PAK5: variants seen among roughly 807,000 people sequenced by gnomAD.
PAK5 encodes p21 (RAC1) activated kinase 5, also known as serine/threonine-protein kinase PAK 5.
Under a neutral mutation model 65.9 loss-of-function variants are expected in PAK5, and 16 were observed. The ratio of observed to expected loss-of-function variants is 0.24; its 90% CI spans 0.16 to 0.37. The LOEUF is 0.37. Ranked by LOEUF, PAK5 falls within the 10% of genes least tolerant of loss-of-function variation. The pLI, the probability that PAK5 is intolerant of heterozygous loss-of-function variation, is 1.00. For synonymous variants in PAK5, 371 were observed against 354.9 expected, an observed-to-expected ratio of 1.05 and a Z score of -0.51; for missense variants, 785 against 903.9, an observed-to-expected ratio of 0.87 and a Z score of 1.69.
intron 2 of PAK5, among the ~76,000 whole-genome samples, chr20:9,652,444 A>G (rs1454583280): frequency 6.6e-6 from 1 of 152,208 alleles, no homozygotes; most frequent in Non-Finnish European, 1.5e-5. Flanking sequence ...CTAAAAAAAA[A>G]TCATTATGTG....
At position 9,672,078 on chromosome 20, in the gene PAK5, C is replaced by CA. The variant is rs912242557; in HGVS notation, c.-11-27740dup. ...AAGAGAGATAATCAGCGAGGAAGGA[C>CA]AAAAAAAACTAGATTTTCCTACAGA... On this transcript the variant is annotated intron_variant, in intron 2 of 9. Coordinates refer to ENST00000353224, the MANE Select transcript of PAK5 (RefSeq NM_177990.4). Among the ~76,000 whole-genome samples, 22 of 150,976 alleles carry CA rather than the reference C, an allele frequency of 1.5e-4. No homozygotes were observed. In the East Asian group the frequency reaches 3.5e-3, roughly 24 times the overall value.
At chr20:9,800,535 A>C (rs191352333) in intron 1 of PAK5, among the ~76,000 whole-genome samples, 5 of 152,282 alleles carry the variant, frequency 3.3e-5, no homozygotes, top group Non-Finnish European at 7.4e-5. Context: ...GTTTTGACAG[A>C]ATGATAAATA....
At chr20:9,659,896 T>C (rs2047321130) in intron 2 of PAK5, among the ~76,000 whole-genome samples, 1 of 152,180 alleles carries the variant, frequency 6.6e-6, no homozygotes, top group African/African-American at 2.4e-5. Flanking sequence ...TGCTATGGTG[T>C]ATAAGTCTCA....
intron 1 of PAK5, among the ~76,000 whole-genome samples, chr20:9,776,875 G>A (rs1048470002): frequency 1.3e-5 from 2 of 152,076 alleles, no homozygotes; most frequent in African/African-American, 2.4e-5. Context: ...AGAAACTATG[G>A]GATAAGAAAT....
rs1176133163 is a variant in PAK5 at position 9,580,815 on chromosome 20, G to A, written c.320C>T (p.Thr107Ile). ...SNSLRKESPPTPDQGASSHGP... is the reference protein window; with the variant it reads ...SNSLRKESPPIPDQGASSHGP... ...GTGGCTGGAGGCTCCCTGATCTGGG[G>A]TGGGTGGGCTTTCTTTCCTTAGGGA... is the stretch of plus-strand genomic sequence containing the variant. Residue 107 changes from threonine to isoleucine, a missense_variant, in exon 4 of 10, where the codon ACC (threonine) becomes ATC (isoleucine). By Grantham distance (89) the Thr-to-Ile change is moderately conservative (BLOSUM62 -1). Around this residue, in one of 4 missense-constraint regions of PAK5, gnomAD observed 422 missense variants for 413.3 expected, o/e 1.02. Coordinates refer to ENST00000353224, the MANE Select transcript of PAK5 (RefSeq NM_177990.4). 6.2e-7 allele frequency: 1 copy of A among 1,614,016 alleles called. No homozygotes were observed. Among genetic ancestry groups the A allele is most frequent in the Non-Finnish European group, 8.5e-7 (1 of 1,179,988 alleles).
At chr20:9,616,473 G>A (rs1439594142) in intron 3 of PAK5, among the ~76,000 whole-genome samples, 1 of 152,154 alleles carries the variant, frequency 6.6e-6, no homozygotes, top group Non-Finnish European at 1.5e-5. Context: ...CGTTCTCTTC[G>A]GCTAAAGCCT....
chr20:9,580,215 T>C lies in PAK5; in HGVS notation c.920A>G (p.His307Arg), dbSNP rs146248904. Residue 307 changes from histidine (H) to arginine (R), a missense_variant, in exon 4 of 10, where the codon CAT (histidine) becomes CGT (arginine). This residue lies in a region of PAK5 where 422 missense variants were observed against 413.3 expected (regional missense o/e 1.02). Transcript: ENST00000353224. ...GGAGTTGTAGGAGTGTCCTTGGGGA[T>C]GGGTTTTAAATGCACTTGCTCCAAA... is the stretch of plus-strand genomic sequence containing the variant. ...MPFGASAFKT[H>R]PQGHSYNSYT... 7 of 1,613,952 alleles carry C rather than the reference T, an allele frequency of 4.3e-6. No individual in the cohort carries two copies. Among genetic ancestry groups the C allele is most frequent in the Non-Finnish European group, 5.9e-6 (7 of 1,179,994 alleles).
At chr20:9,590,382 A>G (rs1196996587) in intron 3 of PAK5, among the ~76,000 whole-genome samples, 1 of 152,216 alleles carries the variant, frequency 6.6e-6, no homozygotes, top group African/African-American at 2.4e-5. Context: ...CATGTGACTC[A>G]TGGGCCAAAT....
At chr20:9,729,018 A>C (rs1452992491) in intron 1 of PAK5, among the ~76,000 whole-genome samples, 3 of 152,114 alleles carry the variant, frequency 2.0e-5, no homozygotes, top group East Asian at 1.9e-4. Context: ...GAACATATGG[A>C]AATATTTATA....
At chr20:9,681,569 C>G (rs150602639) in intron 2 of PAK5, among the ~76,000 whole-genome samples, 9 of 152,114 alleles carry the variant, frequency 5.9e-5, no homozygotes, top group Admixed American at 4.6e-4. Flanking sequence ...AATAATATCC[C>G]TGGAGATGGC....
rs563898791 is a variant in PAK5 at position 9,665,369 on chromosome 20, C to T, written c.-11-21030G>A. ...GGGCCCACAAATCCATTCCTCCTGG[C>T]CACATGAATGCTGGCTGGAGACTTT... is the stretch of plus-strand genomic sequence containing the variant. On this transcript the variant is annotated intron_variant, in intron 2 of 9. Coordinates refer to ENST00000353224, the MANE Select transcript of PAK5 (RefSeq NM_177990.4). Among the ~76,000 whole-genome samples the T allele has an allele frequency of 3.9e-5, 6 of 152,260 alleles. No homozygotes were observed. In the South Asian group the frequency reaches 1.0e-3, roughly 26 times the overall value.
intron 3 of PAK5, among the ~76,000 whole-genome samples, chr20:9,581,288 G>T (rs992621938): frequency 2.0e-5 from 3 of 151,994 alleles, no homozygotes; most frequent in African/African-American, 7.3e-5. Context: ...ACCTAATGAT[G>T]AGCTGATAAT....
At chr20:9,630,963 C>T (rs974276913) in intron 3 of PAK5, among the ~76,000 whole-genome samples, 35 of 152,318 alleles carry the variant, frequency 2.3e-4, no homozygotes, top group African/African-American at 7.7e-4. Flanking sequence ...TTTGGCTTCA[C>T]AGGTCCATGG....
At chr20:9,831,236 TTTGGGATTCCCCATC>T (rs997122921) in intron 1 of PAK5, among the ~76,000 whole-genome samples, 7 of 152,230 alleles carry the variant, frequency 4.6e-5, no homozygotes, top group African/African-American at 1.7e-4. Context: ...CGTGCGTGTG[TTTGGGATTCCCCATC>T]CCCCGCCACA....
chr20:9,703,778 C>G (rs1246220703), intron 2 of PAK5, among the ~76,000 whole-genome samples: 1 of 152,042 alleles, frequency 6.6e-6, no homozygotes, highest in Non-Finnish European at 1.5e-5. Flanking sequence ...AGGTCCACTC[C>G]CGGGTGGGTT....
At chr20:9,728,520 G>C (rs1173626959) in intron 1 of PAK5, among the ~76,000 whole-genome samples, 2 of 152,190 alleles carry the variant, frequency 1.3e-5, no homozygotes, top group Non-Finnish European at 2.9e-5. Context: ...AATCCAAATT[G>C]AGGGATATTT....
chr20:9,596,770 T>C (rs60216655), intron 3 of PAK5, among the ~76,000 whole-genome samples: 7,140 of 151,858 alleles, frequency 0.047, 540 homozygotes, highest in African/African-American at 0.16. Context: ...GACCAGGCAG[T>C]GGTAGTTTTA....
intron 1 of PAK5, among the ~76,000 whole-genome samples, chr20:9,762,571 C>T (rs1265397090): frequency 6.6e-6 from 1 of 152,086 alleles, no homozygotes; most frequent in Non-Finnish European, 1.5e-5. Flanking sequence ...AATGAGATAT[C>T]ACCTCATGAC....
intron 1 of PAK5, among the ~76,000 whole-genome samples, chr20:9,716,458 A>G (rs565365758): frequency 5.4e-4 from 83 of 152,324 alleles, no homozygotes; most frequent in African/African-American, 1.9e-3. Flanking sequence ...AATTCAATAT[A>G]TTTGACAGAA....
Sources: allele counts gnomAD v4.1 joint callset (sites outside exome capture counted in the v4.1 genomes callset), GRCh38; gene constraint gnomAD v4.1.1; regional missense constraint gnomAD v4.1.1; transcripts MANE v1.5; gene names NCBI Gene and HGNC (gene_info 2026-07-23, HGNC 2026-07-21).